The following COG2 variants were observed in gnomAD, a reference collection of about 807,000 sequenced individuals.
COG2 encodes conserved oligomeric Golgi complex subunit 2.
In COG2, 52 loss-of-function variants were observed where a neutral mutation model predicts 90.6. The ratio of observed to expected loss-of-function variants is 0.57; its 90% confidence interval spans 0.46 to 0.72. COG2 has a LOEUF of 0.72. Ranked by LOEUF, COG2 falls within the 30% of genes least tolerant of loss-of-function variation. The pLI is 0.00. For synonymous variants in COG2, 337 were observed against 320.4 expected (o/e 1.05, Z -0.55); for missense variants, 829 against 891.2 (o/e 0.93, Z 0.89).
intron 10 of COG2, 39 bp downstream of exon 10, chr1:230,679,091 T>C (rs367872920): frequency 5.7e-5 from 90 of 1,567,806 alleles, no homozygotes; most frequent in Non-Finnish European, 7.6e-5. Flanking sequence ...CGCACCCTTC[T>C]AAAACAGAAT....
In COG2 at chr1:230,693,857, G is replaced by C. The variant is rs1663104449; in HGVS notation, c.*464G>C. 1 of 152,292 alleles carries C rather than the reference G, an allele frequency of 6.6e-6. No homozygotes were observed. The highest frequency in any genetic ancestry group is 1.5e-5 in the Non-Finnish European group (1 of 68,086). 9.4% of individuals were successfully genotyped at this position (152,292 alleles called of 1,614,324 possible). A position where few individuals can be genotyped will look rare whatever the true frequency, so the allele number is the denominator to read the frequency against. ...TCCTGGGCTTTCTAAAGAGGCTGCGGGAAGCCATCCTCCACTCCCACTGTG... is the reference window on the plus strand; with the variant it reads ...TCCTGGGCTTTCTAAAGAGGCTGCGCGAAGCCATCCTCCACTCCCACTGTG... On this transcript the variant is annotated 3_prime_UTR_variant, in exon 18 of 18. Coordinates refer to ENST00000366669, the MANE Select transcript of COG2 (RefSeq NM_007357.3).
intron 9 of COG2, among the ~76,000 whole-genome samples, chr1:230,677,526 C>T (rs1279120639): frequency 2.0e-5 from 3 of 152,148 alleles, no homozygotes; most frequent in Non-Finnish European, 2.9e-5. Context: ...TTTATAGCAA[C>T]ATTTGTAATT....
At chr1:230,646,860 C>G (rs1004074337) in intron 1 of COG2, among the ~76,000 whole-genome samples, 2 of 152,112 alleles carry the variant, frequency 1.3e-5, no homozygotes, top group Non-Finnish European at 2.9e-5. Flanking sequence ...GAAATCCAAC[C>G]TGTTACTAAG....
At chr1:230,691,245 ATACT>A (rs1187105647) in intron 16 of COG2, 135 bp from the exon 17 acceptor site, 9 of 614,518 alleles carry the variant, frequency 1.5e-5, no homozygotes, top group East Asian at 8.6e-5. Flanking sequence ...AGAAACTTAA[ATACT>A]TACCGTGGTT....
intron 8 of COG2, among the ~76,000 whole-genome samples, chr1:230,672,180 A>C (rs139064411): frequency 1.3e-5 from 2 of 152,216 alleles, no homozygotes; most frequent in East Asian, 1.9e-4. Context: ...CCCTGCTTCC[A>C]GTCTCTCCCT....
Position 230,642,662 on chromosome 1 carries a change from A to T in COG2, c.56A>T (p.Lys19Met). Residue 19 changes from lysine (K) to methionine (M), a missense_variant, in exon 1 of 18, where the codon AAG (lysine) becomes ATG (methionine). By Grantham distance (95) the Lys-to-Met change is moderately conservative. Coordinates refer to ENST00000366669, the MANE Select transcript of COG2 (RefSeq NM_007357.3). ...PKGPDTLCFD[K>M]DEFMKEDFDV... ...GGGCCGGACACGCTCTGCTTCGACA[A>T]GGACGAGTTCATGAAGGTGCGCGCG... The T allele has an allele frequency of 6.2e-7, 1 of 1,613,028 alleles. No homozygotes were observed. Among genetic ancestry groups the T allele is most frequent in the Non-Finnish European group, 8.5e-7 (1 of 1,179,596 alleles).
chr1:230,680,057 C>T (rs1222813057), intron 10 of COG2: 1 of 152,080 alleles, frequency 6.6e-6, no homozygotes, highest in African/African-American at 2.4e-5. Flanking sequence ...TCCAAGGTTG[C>T]ATCATCATGT....
At position 230,690,142 on chromosome 1, in the gene COG2, A is replaced by C; in HGVS notation, c.1923A>C (p.Glu641Asp). The part of the protein sequence containing the change: ...IQQWLEGTLS[E>D]STHKYYETVS... Reference sequence around the variant, plus strand: ...AGTGGCTAGAAGGCACTCTCAGTGAAAGCACTCATAAGTAAGTAAATTAAA... The same window carrying C: ...AGTGGCTAGAAGGCACTCTCAGTGACAGCACTCATAAGTAAGTAAATTAAA... Residue 641 changes from glutamate to aspartate, a missense_variant, in exon 16 of 18, where the codon GAA (glutamate) becomes GAC (aspartate). Physicochemically the swap from Glu to Asp is conservative, Grantham distance 45 (BLOSUM62 2). Coordinates refer to ENST00000366669, the MANE Select transcript of COG2 (RefSeq NM_007357.3). 6.2e-7 allele frequency: 1 copy of C among 1,612,516 alleles called. No individual in the cohort carries two copies. Among genetic ancestry groups the C allele is most frequent in the Non-Finnish European group, 8.5e-7 (1 of 1,179,444 alleles).
Position 230,675,052 on chromosome 1 carries a change from A to C in COG2, c.954A>C (p.Pro318=), listed in dbSNP as rs1299174974. ...GYDFLVNSVW[P]QIVQGLEEKL... is the part of the protein sequence containing the mutation. ...ACTTTTTGGTGAATTCTGTTTGGCC[A>C]CAAATAGTACAAGGATTAGAAGAAA... The change falls in exon 9 of 18, where the codon CCA becomes CCC. Residue 318 remains proline, a synonymous_variant. Transcript: ENST00000366669. The C allele has an allele frequency of 3.1e-6, 5 of 1,612,924 alleles. No homozygotes were observed. The highest frequency in any genetic ancestry group is 1.7e-5 in the Admixed American group (1 of 59,854).
intron 8 of COG2, among the ~76,000 whole-genome samples, chr1:230,673,261 A>T (rs1358065424): frequency 6.6e-6 from 1 of 152,194 alleles, no homozygotes; most frequent in Non-Finnish European, 1.5e-5. Flanking sequence ...TAGAGATTTG[A>T]GGAATCTGAA....
intron 1 of COG2, among the ~76,000 whole-genome samples, chr1:230,646,666 CG>C (rs1661792754): frequency 6.6e-6 from 1 of 151,378 alleles, no homozygotes; most frequent in African/African-American, 2.4e-5. Flanking sequence ...ACCTCAAACT[CG>C]GCATATTTAA....
At chr1:230,687,271 C>G (rs555993009) in intron 13 of COG2, 139 bp downstream of exon 13, 1 of 585,084 alleles carries the variant, frequency 1.7e-6, no homozygotes, top group Admixed American at 3.3e-5. Context: ...GAGAACCTCT[C>G]ACTCACCTCC....
Position 230,642,509 on chromosome 1 carries a change from C to T in COG2, c.-98C>T, listed in dbSNP as rs1661643455. On this transcript the variant is annotated 5_prime_UTR_variant, in exon 1 of 18. Transcript: ENST00000366669. ...TTGGCGGAAGCGGACCCCCCTGTGC[C>T]GTGGAAACTGGCGGTGGCCGCGGCC... 1 of 1,212,650 alleles carries T rather than the reference C, an allele frequency of 8.2e-7. No individual in the cohort carries two copies. Among genetic ancestry groups the T allele is most frequent in the Non-Finnish European group, 1.2e-6 (1 of 846,372 alleles). 75.1% of individuals were successfully genotyped at this position (1,212,650 alleles called of 1,614,324 possible). A position where few individuals can be genotyped will look rare whatever the true frequency, so the allele number is the denominator to read the frequency against.
At chr1:230,657,412 G>A (rs1215556286) in intron 1 of COG2, among the ~76,000 whole-genome samples, 1 of 152,168 alleles carries the variant, frequency 6.6e-6, no homozygotes, top group East Asian at 1.9e-4. Context: ...CTTCTGGCTT[G>A]TAGGGTTTCT....
intron 1 of COG2, among the ~76,000 whole-genome samples, chr1:230,657,195 G>A (rs1373975341): frequency 3.8e-5 from 4 of 105,176 alleles, no homozygotes; most frequent in South Asian, 8.1e-4. Flanking sequence ...TGTTTTTGAA[G>A]TGGCTGACTA....
At chr1:230,674,902 A>G in intron 8 of COG2, 96 bp from the exon 9 acceptor site, 4 of 933,528 alleles carry the variant, frequency 4.3e-6, no homozygotes, top group Non-Finnish European at 6.2e-6. Context: ...AATAAGTTTT[A>G]GACTGCGGAT....
At chr1:230,670,297 G>C (rs1255278560) in intron 7 of COG2, 2 of 152,192 alleles carry the variant, frequency 1.3e-5, no homozygotes, top group African/African-American at 4.8e-5. Flanking sequence ...ACTGAGAGAA[G>C]TCACTGAGCC....
Position 230,693,300 on chromosome 1 carries a change from G to C in COG2, c.2124G>C (p.Lys708Asn), listed in dbSNP as rs1463601574. 6 of 1,609,636 alleles carry C rather than the reference G, an allele frequency of 3.7e-6. No individual in the cohort carries two copies. In the South Asian group the frequency reaches 5.5e-5, roughly 15 times the overall value. The change falls in exon 18 of 18, where the codon AAG becomes AAC. Residue 708 changes from lysine to asparagine, a missense_variant. Coordinates refer to ENST00000366669, the MANE Select transcript of COG2 (RefSeq NM_007357.3). ...DVEYLGEQIQKLGLQASDIKS... is the reference protein window; with the variant it reads ...DVEYLGEQIQNLGLQASDIKS... Reference sequence around the variant, plus strand: ...TCTCATGGCCTTTGCAGATACAAAAGTTGGGACTACAAGCAAGTGACATAA... The same window carrying C: ...TCTCATGGCCTTTGCAGATACAAAACTTGGGACTACAAGCAAGTGACATAA...
chr1:230,686,209 G>A (rs1180471582), intron 12 of COG2, among the ~76,000 whole-genome samples: 1 of 152,234 alleles, frequency 6.6e-6, no homozygotes, highest in Non-Finnish European at 1.5e-5. Context: ...GGTAATGGGA[G>A]TCTAGTGAAA....
Sources: gnomAD v4.1 joint callset for allele counts (sites outside exome capture counted in the v4.1 genomes callset) on GRCh38, gnomAD v4.1.1 for gene constraint, MANE v1.5 for transcripts, NCBI Gene and HGNC (gene_info 2026-07-23, HGNC 2026-07-21) for gene names.